SPATA3: variants seen among roughly 807,000 people sequenced by gnomAD.
SPATA3 encodes spermatogenesis associated 3.
A neutral mutation model predicts 5.7 loss-of-function variants in SPATA3; 6 were observed. The ratio of observed to expected loss-of-function variants is 1.06; its 90% CI spans 0.58 to 2.09. SPATA3 has a LOEUF of 2.09. SPATA3 is among the 30% of genes most tolerant of loss of function. SPATA3 has a pLI of 0.00. For missense variants in SPATA3, 155 were observed against 130.4 expected (o/e 1.19, Z -0.92); for synonymous variants, 44 against 48.4 (o/e 0.91, Z 0.37).
intron 6 of SPATA3, among the ~76,000 whole-genome samples, chr2:231,015,665 AG>A (rs1692916483): frequency 6.6e-6 from 1 of 152,206 alleles, no homozygotes; most frequent in African/African-American, 2.4e-5. Flanking sequence ...CACACGTCCC[AG>A]ACCCTCTGGG....
chr2:231,016,370 G>A (rs746576124), intron 6 of SPATA3, among the ~76,000 whole-genome samples: 2 of 151,996 alleles, frequency 1.3e-5, no homozygotes, highest in African/African-American at 2.4e-5. Context: ...ACACTTCCCC[G>A]AATTCTCTGC....
chr2:231,009,143 A>C (rs950568044), downstream of SPATA3, among the ~76,000 whole-genome samples: 3 of 152,232 alleles, frequency 2.0e-5, no homozygotes, highest in African/African-American at 7.2e-5. Context: ...CTCCAACTGC[A>C]GTGTGGGTAA....
chr2:231,016,562 A>G (rs1692945336), intron 6 of SPATA3, among the ~76,000 whole-genome samples: 1 of 151,550 alleles, frequency 6.6e-6, no homozygotes, highest in African/African-American at 2.4e-5. Flanking sequence ...GCGGGCACCA[A>G]TAGTCCCAGC....
downstream of SPATA3, among the ~76,000 whole-genome samples, chr2:231,009,155 C>T (rs1190002218): frequency 1.3e-5 from 2 of 152,226 alleles, no homozygotes; most frequent in African/African-American, 4.8e-5. Context: ...TGTGGGTAAC[C>T]TGTTACCAAA....
intron 6 of SPATA3, chr2:231,019,646 A>G (rs1355240714): frequency 6.6e-6 from 1 of 151,088 alleles, no homozygotes; most frequent in African/African-American, 2.4e-5. Flanking sequence ...TATAAGTAGT[A>G]TTGCAATGAA....
downstream of SPATA3, among the ~76,000 whole-genome samples, chr2:231,005,487 C>T (rs796999123): frequency 4.4e-4 from 9 of 20,256 alleles, no homozygotes; most frequent in Non-Finnish European, 5.9e-4. Context: ...ACCACCACCA[C>T]CATCACCACC....
At chr2:231,011,085 A>AAAAAAAG (rs568384228), downstream of SPATA3, among the ~76,000 whole-genome samples, 557 of 146,120 alleles carry the variant, frequency 3.8e-3, 10 homozygotes, top group African/African-American at 0.014. Context: ...AAAAAAAAAA[A>AAAAAAAG]AAAAGAAAAG....
At chr2:231,002,277 T>G (rs1692381156) in intron 2 of SPATA3, among the ~76,000 whole-genome samples, 1 of 152,246 alleles carries the variant, frequency 6.6e-6, no homozygotes, top group South Asian at 2.1e-4. Flanking sequence ...TGCCTTTGTG[T>G]GGGTGTAATA....
intron 5 of SPATA3, among the ~76,000 whole-genome samples, chr2:231,012,870 G>A (rs1692823803): frequency 6.6e-6 from 1 of 152,166 alleles, no homozygotes; most frequent in South Asian, 2.1e-4. Context: ...AATGAATTTG[G>A]TGAAAGAAAC....
At chr2:231,006,372 G>A (rs191981372), downstream of SPATA3, among the ~76,000 whole-genome samples, 832 of 151,022 alleles carry the variant, frequency 5.5e-3, 7 homozygotes, top group African/African-American at 0.019. Flanking sequence ...GCGTGGTGGC[G>A]GGCACCTGTA....
At chr2:231,005,280 CCAT>C (rs1353135850), downstream of SPATA3, among the ~76,000 whole-genome samples, 55 of 70,174 alleles carry the variant, frequency 7.8e-4, 1 homozygote, top group East Asian at 1.3e-3. Context: ...ATCACCATCA[CCAT>C]CATCATCACC....
chr2:230,996,503 C>A, intron 1 of SPATA3: 1 of 1,552,076 alleles, frequency 6.4e-7, no homozygotes, highest in South Asian at 1.2e-5. Context: ...CAGATGCTAA[C>A]GTGAAGGCAG....
At chr2:231,012,297 T>G (rs561658490) in intron 4 of SPATA3, among the ~76,000 whole-genome samples, 1 of 152,314 alleles carries the variant, frequency 6.6e-6, no homozygotes, top group East Asian at 1.9e-4. Flanking sequence ...ATCAAGGAGA[T>G]GAATGGAGAA....
chr2:231,013,922 T>G (rs558073410), exon 6 of SPATA3: 96 of 151,388 alleles, frequency 6.3e-4, no homozygotes, highest in African/African-American at 2.2e-3. Context: ...CATGATCAGC[T>G]CACTGAAGGA....
downstream of SPATA3, among the ~76,000 whole-genome samples, chr2:231,008,706 T>C (rs1054735485): frequency 2.0e-5 from 3 of 152,214 alleles, no homozygotes; most frequent in African/African-American, 4.8e-5. Context: ...ACACTTCCTT[T>C]TTCTGGCATA....
At chr2:231,002,635 G>A (rs567747976) in intron 2 of SPATA3, 49 bp from the exon 3 acceptor site, 2 of 1,192,764 alleles carry the variant, frequency 1.7e-6, no homozygotes, top group Admixed American at 2.8e-5. Flanking sequence ...TCGTAGAGAG[G>A]CACTGAAGCC....
At chr2:231,010,820 C>T (rs888063764), downstream of SPATA3, among the ~76,000 whole-genome samples, 2 of 151,190 alleles carry the variant, frequency 1.3e-5, no homozygotes, top group African/African-American at 4.9e-5. Context: ...GTAATCCCAG[C>T]GTTTTGGGAG....
chr2:231,002,839 G>A (rs559869503), downstream of SPATA3: 168 of 1,218,026 alleles, frequency 1.4e-4, no homozygotes, highest in Non-Finnish European at 1.7e-4. Context: ...TATGTTGAGC[G>A]CTCTGTCCCT....
intron 6 of SPATA3, among the ~76,000 whole-genome samples, chr2:231,014,644 G>C (rs545057394): frequency 1.3e-5 from 2 of 152,102 alleles, no homozygotes; most frequent in African/African-American, 4.8e-5. Flanking sequence ...TGGTGGCATC[G>C]TGGGGCTCCT....
Sources: gnomAD v4.1 joint callset for allele counts (sites outside exome capture counted in the v4.1 genomes callset) on GRCh38, gnomAD v4.1.1 for gene constraint, MANE v1.5 for transcripts, NCBI Gene and HGNC (gene_info 2026-07-23, HGNC 2026-07-21) for gene names.